Variants in NARS2 observed in about 807,000 individuals in gnomAD.
The protein encoded by NARS2 is asparaginyl-tRNA synthetase 2, mitochondrial, also known as asparaginyl-tRNA synthetase.
In NARS2, 60 loss-of-function variants were observed where a neutral mutation model predicts 62.9. The ratio of observed to expected loss-of-function variants is 0.95; its 90% confidence interval spans 0.77 to 1.18. The LOEUF is 1.18. Among genes scored for constraint, NARS2 ranks in the 50% most tolerant of loss-of-function variants. The probability of loss-of-function intolerance (pLI) is 0.00; values close to 1 mark genes in which losing one functional copy is unlikely to be tolerated. For synonymous variants in NARS2, 196 were observed against 200.0 expected (o/e 0.98, Z 0.17); for missense variants, 619 against 576.4 (o/e 1.07, Z -0.76).
At chr11:78,503,696 CAG>C (rs1365780371) in intron 6 of NARS2, among the ~76,000 whole-genome samples, 2 of 152,188 alleles carry the variant, frequency 1.3e-5, no homozygotes, top group Non-Finnish European at 2.9e-5. Context: ...CCAAATCAAA[CAG>C]AGCTTGGTTT....
At chr11:78,471,292 G>A (rs912672954) in intron 9 of NARS2, among the ~76,000 whole-genome samples, 1 of 152,122 alleles carries the variant, frequency 6.6e-6, no homozygotes, top group Non-Finnish European at 1.5e-5. Context: ...TGACTCCAGA[G>A]TATAAGCTTT....
chr11:78,452,563 C>T (rs58100031), intron 11 of NARS2, among the ~76,000 whole-genome samples: 2,445 of 152,136 alleles, frequency 0.016, 55 homozygotes, highest in African/African-American at 0.055. Flanking sequence ...CACAGGTTAC[C>T]ACACCAGGTT....
intron 7 of NARS2, among the ~76,000 whole-genome samples, chr11:78,486,124 C>T (rs1306990368): frequency 1.3e-5 from 2 of 152,162 alleles, no homozygotes; most frequent in Non-Finnish European, 2.9e-5. Context: ...ATCTGCCCGC[C>T]TCGGCCTCCC....
chr11:78,443,892 A>G, intron 11 of NARS2, 134 bp from the exon 12 acceptor site: 1 of 610,714 alleles, frequency 1.6e-6, no homozygotes, highest in African/African-American at 1.9e-5. Context: ...ACTACATACA[A>G]ATTATAAGTG....
rs1555027146 is a variant in NARS2 at position 78,509,838 on chromosome 11, A to AG, written c.690-16644_690-16643insC. On this transcript the variant is annotated intron_variant, in intron 6 of 13. Transcript: ENST00000281038. ...TGAGACTCTGTCTCAAAAAAAAAAA[A>AG]AAAAGAAAAGAAAAGAAAAGAAAAG... Among the ~76,000 whole-genome samples, 247 of 151,016 alleles carry AG rather than the reference A, an allele frequency of 1.6e-3. 2 individuals carry two copies. The highest frequency in any genetic ancestry group is 6.9e-3 in the Middle Eastern group (2 of 290).
At chr11:78,515,381 G>A (rs1860867337) in intron 6 of NARS2, among the ~76,000 whole-genome samples, 1 of 152,112 alleles carries the variant, frequency 6.6e-6, no homozygotes, top group Non-Finnish European at 1.5e-5. Flanking sequence ...TGTTTGCTAG[G>A]GGTTGGGGGT....
rs1857406655 is a variant in NARS2 at position 78,436,245 on chromosome 11, A to G, written c.*425T>C. The G allele has an allele frequency of 1.3e-5, 2 of 154,170 alleles. No individual in the cohort carries two copies. The highest frequency in any genetic ancestry group is 2.9e-5 in the Non-Finnish European group (2 of 69,444). The allele number at this position is 154,170 out of a possible 1,614,324, so 9.6% of individuals were successfully genotyped here. ...TGAAAATGAGATAAGGATTTATCAC[A>G]AAGTATATGGCAAGGGAGAAAAGAT... On this transcript the variant is annotated 3_prime_UTR_variant, in exon 14 of 14. Transcript: ENST00000281038.
At chr11:78,491,931 AGAAAG>A (rs1283530856) in intron 7 of NARS2, among the ~76,000 whole-genome samples, 9 of 152,162 alleles carry the variant, frequency 5.9e-5, no homozygotes, top group African/African-American at 1.9e-4. Flanking sequence ...AGAAATGAAC[AGAAAG>A]GAGAGTTGAT....
chr11:78,518,475 A>G (rs1860993173), intron 6 of NARS2, among the ~76,000 whole-genome samples: 2 of 152,210 alleles, frequency 1.3e-5, no homozygotes, highest in Non-Finnish European at 2.9e-5. Context: ...TGAGAATTAC[A>G]TATGAAAAAG....
chr11:78,458,450 G>A (rs1185539186), intron 11 of NARS2, among the ~76,000 whole-genome samples: 1 of 151,834 alleles, frequency 6.6e-6, no homozygotes, highest in Non-Finnish European at 1.5e-5. Context: ...AAAAAGATTA[G>A]GTGGCATATG....
intron 2 of NARS2, 41 bp from the exon 3 acceptor site, chr11:78,568,793 T>G: frequency 1.4e-6 from 2 of 1,460,686 alleles, no homozygotes; most frequent in Admixed American, 4.0e-5. Context: ...TATCATTATA[T>G]ACAACCTTCA....
chr11:78,562,018 C>T (rs1169466041), intron 4 of NARS2, among the ~76,000 whole-genome samples: 3 of 151,650 alleles, frequency 2.0e-5, no homozygotes, highest in South Asian at 2.1e-4. Flanking sequence ...CTGGGTGACA[C>T]GGCGAGACTC....
chr11:78,450,664 G>GTTT (rs1857938667), intron 11 of NARS2, among the ~76,000 whole-genome samples: 1 of 123,158 alleles, frequency 8.1e-6, no homozygotes, highest in African/African-American at 3.2e-5. Context: ...CAAAAGCCTT[G>GTTT]TCTTTTTTTT....
At chr11:78,568,553 TC>T in intron 3 of NARS2, 78 bp downstream of exon 3, 1 of 1,454,802 alleles carries the variant, frequency 6.9e-7, no homozygotes, top group Non-Finnish European at 9.2e-7. Context: ...AGTTTCATCT[TC>T]CTAATAATCA....
intron 4 of NARS2, among the ~76,000 whole-genome samples, chr11:78,560,827 A>G (rs1162281180): frequency 2.6e-5 from 4 of 152,224 alleles, no homozygotes; most frequent in Non-Finnish European, 5.9e-5. Context: ...AACCAATAAA[A>G]TCTGATCAAT....
At chr11:78,483,078 G>T (rs965707054) in intron 7 of NARS2, among the ~76,000 whole-genome samples, 2 of 152,128 alleles carry the variant, frequency 1.3e-5, no homozygotes, top group African/African-American at 4.8e-5. Flanking sequence ...TGCAAGGCGG[G>T]TTCAACATAC....
At chr11:78,538,935 C>A (rs1855495830) in intron 5 of NARS2, among the ~76,000 whole-genome samples, 1 of 125,116 alleles carries the variant, frequency 8.0e-6, no homozygotes, top group South Asian at 2.7e-4. Context: ...GCGGAGCTTG[C>A]AGTGAGCCGA....
intron 5 of NARS2, among the ~76,000 whole-genome samples, chr11:78,538,421 G>C (rs114470033): frequency 6.6e-6 from 1 of 151,940 alleles, no homozygotes; most frequent in South Asian, 2.1e-4. Context: ...ATTCTAATGG[G>C]GAAAAAAGAA....
chr11:78,464,716 C>A (rs963565862), intron 11 of NARS2, among the ~76,000 whole-genome samples: 11 of 152,288 alleles, frequency 7.2e-5, no homozygotes, highest in Admixed American at 6.5e-4. Flanking sequence ...TTCTCCAAGT[C>A]CCCATCAGAG....
Sources: gnomAD v4.1 joint callset for allele counts (sites outside exome capture counted in the v4.1 genomes callset) on GRCh38, gnomAD v4.1.1 for gene constraint, MANE v1.5 for transcripts, NCBI Gene and HGNC (gene_info 2026-07-23, HGNC 2026-07-21) for gene names.